Variants in SLC8A1 observed in about 807,000 individuals in gnomAD.
SLC8A1 encodes the protein sodium/calcium exchanger 1.
In SLC8A1, 18 loss-of-function variants were observed where a neutral mutation model predicts 68.3. The observed-to-expected ratio is 0.26, with a 90% CI of 0.18 to 0.39. SLC8A1 has a LOEUF of 0.39. SLC8A1 is among the 10% of genes least tolerant of loss of function. The probability of loss-of-function intolerance (pLI) is 1.00; values close to 1 mark genes in which losing one functional copy is unlikely to be tolerated. For synonymous variants in SLC8A1, 475 were observed against 415.5 expected, an observed-to-expected ratio of 1.14 and a Z score of -1.74; for missense variants, 985 against 1,156.7, an observed-to-expected ratio of 0.85 and a Z score of 2.15.
Position 40,129,515 on chromosome 2 carries a change from C to T in SLC8A1, c.2437+9886G>A, listed in dbSNP as rs967444808. On this transcript the variant is annotated intron_variant, in intron 7 of 7. Coordinates refer to ENST00000406785, the Ensembl canonical transcript of SLC8A1. ...CCTCCCAAAGTGTGGGGATTACAGA[C>T]GTGAGCCAGCACACCTGGCCACCTT... is the stretch of plus-strand genomic sequence containing the variant. Among the ~76,000 whole-genome samples the T allele has an allele frequency of 1.2e-4, 18 of 152,212 alleles. No homozygotes were observed. In the South Asian group the frequency reaches 1.5e-3, roughly 12 times the overall value.
intron 2 of SLC8A1, among the ~76,000 whole-genome samples, chr2:40,237,511 T>A (rs2060559882): frequency 6.6e-6 from 1 of 151,950 alleles, no homozygotes; most frequent in Non-Finnish European, 1.5e-5. Flanking sequence ...TTCTTCTAAA[T>A]TTTTTTCAAA....
At chr2:40,171,501 G>A (rs2047487080) in intron 4 of SLC8A1, among the ~76,000 whole-genome samples, 1 of 152,110 alleles carries the variant, frequency 6.6e-6, no homozygotes, top group Non-Finnish European at 1.5e-5. Flanking sequence ...CCATTCTGGG[G>A]TACTTCTCAC....
chr2:40,217,420 A>T (rs1224134430), intron 2 of SLC8A1, among the ~76,000 whole-genome samples: 1 of 151,726 alleles, frequency 6.6e-6, no homozygotes, highest in Non-Finnish European at 1.5e-5. Flanking sequence ...AGTCAGGTGC[A>T]TGTTATTTCT....
At chr2:40,212,316 C>T (rs906795658) in intron 2 of SLC8A1, among the ~76,000 whole-genome samples, 9 of 124,016 alleles carry the variant, frequency 7.3e-5, no homozygotes, top group Admixed American at 4.7e-4. Context: ...AGACAAGTCT[C>T]GCTTTGTCGA....
chr2:40,403,927 A>G (rs923270133), intron 2 of SLC8A1, among the ~76,000 whole-genome samples: 10 of 152,218 alleles, frequency 6.6e-5, no homozygotes, highest in Admixed American at 4.6e-4. Context: ...TCTGAATATT[A>G]GTTGTCACTA....
At chr2:40,218,717 T>C (rs2057864764) in intron 2 of SLC8A1, among the ~76,000 whole-genome samples, 1 of 123,126 alleles carries the variant, frequency 8.1e-6, no homozygotes, top group Non-Finnish European at 1.9e-5. Context: ...ATGAAAACAT[T>C]CTTCTGGGGG....
At chr2:40,298,208 C>A (rs995776844) in intron 2 of SLC8A1, among the ~76,000 whole-genome samples, 1 of 152,172 alleles carries the variant, frequency 6.6e-6, no homozygotes, top group African/African-American at 2.4e-5. Context: ...CCCCAGTGTT[C>A]TTTCTGCTGA....
At chr2:40,392,272 GC>G (rs1166538444) in intron 2 of SLC8A1, among the ~76,000 whole-genome samples, 1 of 151,230 alleles carries the variant, frequency 6.6e-6, no homozygotes, top group Non-Finnish European at 1.5e-5. Context: ...AAGCAAGCAA[GC>G]AAGAAAACCT....
intron 2 of SLC8A1, among the ~76,000 whole-genome samples, chr2:40,416,541 T>C (rs1693948043): frequency 6.6e-6 from 1 of 152,158 alleles, no homozygotes; most frequent in African/African-American, 2.4e-5. Flanking sequence ...AATTTTTGCT[T>C]TCTCTTAGGA....
intron 1 of SLC8A1, among the ~76,000 whole-genome samples, chr2:40,449,532 AC>A (rs1702057997): frequency 6.6e-6 from 1 of 152,208 alleles, no homozygotes; most frequent in African/African-American, 2.4e-5. Context: ...TATAGATGTT[AC>A]TGACTATACC....
At chr2:40,134,042 G>A (rs920584644) in intron 7 of SLC8A1, among the ~76,000 whole-genome samples, 4 of 151,574 alleles carry the variant, frequency 2.6e-5, no homozygotes, top group Non-Finnish European at 4.4e-5. Flanking sequence ...TTAGGCTACT[G>A]CAAAATTCAG....
intron 7 of SLC8A1, among the ~76,000 whole-genome samples, chr2:40,122,752 G>T (rs1023795723): frequency 6.6e-6 from 1 of 152,156 alleles, no homozygotes; most frequent in Non-Finnish European, 1.5e-5. Flanking sequence ...TAGATTAACT[G>T]AGGTAATGAT....
chr2:40,256,070 G>A (rs1466808392), intron 2 of SLC8A1, among the ~76,000 whole-genome samples: 1 of 152,170 alleles, frequency 6.6e-6, no homozygotes, highest in Non-Finnish European at 1.5e-5. Context: ...GAAGCCACAG[G>A]ATGGGTAACG....
At chr2:40,184,892 CAAAAACAAAA>C (rs1395202796) in intron 2 of SLC8A1, among the ~76,000 whole-genome samples, 73 of 52,154 alleles carry the variant, frequency 1.4e-3, no homozygotes, top group African/African-American at 3.0e-3. Flanking sequence ...ACAAACTAAC[CAAAAACAAAA>C]AAAAAAAAAA....
intron 1 of SLC8A1, among the ~76,000 whole-genome samples, chr2:40,440,353 G>A (rs542997603): frequency 6.6e-6 from 1 of 152,204 alleles, no homozygotes; most frequent in South Asian, 2.1e-4. Context: ...AGAGAAAAAA[G>A]TCACTGGAGG....
In SLC8A1 at chr2:40,175,190, C is replaced by CT. The variant is rs571603022; in HGVS notation, c.1913-349dup. The CT allele has an allele frequency of 2.3e-4, 338 of 1,443,384 alleles. 3 individuals carry two copies. In the East Asian group the frequency reaches 7.2e-3, roughly 31 times the overall value. 89.4% of individuals were successfully genotyped at this position (1,443,384 alleles called of 1,614,324 possible). On this transcript the variant is annotated intron_variant, in intron 3 of 7. Coordinates refer to ENST00000406785, the Ensembl canonical transcript of SLC8A1. ...AAGAGAAATAAAAGTCACAGAGCTA[C>CT]TGTATCACCTGACGGAAATGGAAAA...
chr2:40,503,665 A>C (rs1049167787), intron 1 of SLC8A1, among the ~76,000 whole-genome samples: 1 of 152,058 alleles, frequency 6.6e-6, no homozygotes, highest in Non-Finnish European at 1.5e-5. Context: ...GCCAACAGTG[A>C]AACAATATAA....
intron 6 of SLC8A1, among the ~76,000 whole-genome samples, chr2:40,142,749 G>A (rs537024953): frequency 6.6e-6 from 1 of 152,254 alleles, no homozygotes; most frequent in East Asian, 1.9e-4. Flanking sequence ...AAGTGTCTGA[G>A]AATATTTCAA....
At position 40,390,122 on chromosome 2, in the gene SLC8A1, T is replaced by C. The variant is rs565104417; in HGVS notation, c.1808+38351A>G. On this transcript the variant is annotated intron_variant, in intron 2 of 7. Transcript: ENST00000406785. ...GGAAGAAACATTTTACTAGAAAATC[T>C]GGATTACACAACCTAGTCACTGTAG... Among the ~76,000 whole-genome samples the C allele has an allele frequency of 1.7e-4, 26 of 152,224 alleles. No individual in the cohort carries two copies. In the East Asian group the frequency reaches 1.7e-3, roughly 10 times the overall value.
Sources: allele counts gnomAD v4.1 joint callset (sites outside exome capture counted in the v4.1 genomes callset), GRCh38; gene constraint gnomAD v4.1.1; transcripts MANE v1.5; gene names NCBI Gene and HGNC (gene_info 2026-07-23, HGNC 2026-07-21).